The following TRERF1 variants were observed in gnomAD, a reference collection of about 807,000 sequenced individuals.
TRERF1 encodes the protein transcriptional-regulating factor 1.
Under a neutral mutation model 122.9 loss-of-function variants are expected in TRERF1, and 27 were observed. The observed-to-expected ratio is 0.22, with a 90% CI of 0.16 to 0.30. The LOEUF (loss-of-function observed/expected upper bound fraction) is 0.30. TRERF1 is among the 10% of genes least tolerant of loss of function. TRERF1 has a pLI of 1.00. For synonymous variants in TRERF1, 636 were observed against 641.7 expected, an observed-to-expected ratio of 0.99 and a Z score of 0.13; for missense variants, 1,248 against 1,560.3, an observed-to-expected ratio of 0.80 and a Z score of 3.37.
intron 13 of TRERF1, among the ~76,000 whole-genome samples, chr6:42,251,425 G>A (rs1321163051): frequency 6.6e-6 from 1 of 152,090 alleles, no homozygotes; most frequent in Non-Finnish European, 1.5e-5. Context: ...AATTTTTTGG[G>A]GGGTGCAAGT....
intron 2 of TRERF1, among the ~76,000 whole-genome samples, chr6:42,370,493 G>A (rs1423231561): frequency 6.6e-6 from 1 of 152,164 alleles, no homozygotes; most frequent in Non-Finnish European, 1.5e-5. Context: ...CTAAGGCAAG[G>A]GAATCACTTG....
rs1246000375 is a variant in TRERF1, at chr6:42,447,398, G to C, written c.-454+3779C>G. ...CCTTAAAAATGCCCACAGCACCCTT[G>C]TGGCAACGCACGCCAGTAACTGGAA... is the stretch of plus-strand genomic sequence containing the variant. On this transcript the variant is annotated intron_variant, in intron 2 of 17. Transcript: ENST00000372922. Among the ~76,000 whole-genome samples the C allele has an allele frequency of 1.3e-5, 2 of 152,188 alleles. 1 individual carries two copies.
At chr6:42,347,446 T>C (rs529390925) in intron 3 of TRERF1, among the ~76,000 whole-genome samples, 3 of 152,186 alleles carry the variant, frequency 2.0e-5, no homozygotes, top group African/African-American at 7.2e-5. Flanking sequence ...TGGGCAAGGA[T>C]GGTGTAGAGG....
At chr6:42,410,167 G>T (rs1780907808) in intron 2 of TRERF1, among the ~76,000 whole-genome samples, 1 of 151,986 alleles carries the variant, frequency 6.6e-6, no homozygotes, top group Non-Finnish European at 1.5e-5. Flanking sequence ...TTTGAGACAG[G>T]GTCTCACTCT....
chr6:42,317,957 C>T (rs1008722939), intron 3 of TRERF1, among the ~76,000 whole-genome samples: 2 of 151,984 alleles, frequency 1.3e-5, no homozygotes, highest in African/African-American at 4.8e-5. Flanking sequence ...AGTTCAAGAC[C>T]AGCCTGGCCA....
At position 42,259,376 on chromosome 6, in the gene TRERF1, G is replaced by C; in HGVS notation, c.2232C>G (p.Pro744=). 6.6e-7 allele frequency: 1 copy of C among 1,520,756 alleles called. No individual in the cohort carries two copies. The highest frequency in any genetic ancestry group is 2.1e-5 in the Admixed American group (1 of 46,636). 94.2% of individuals were successfully genotyped at this position (1,520,756 alleles called of 1,614,324 possible). A position where few individuals can be genotyped will look rare whatever the true frequency, so the allele number is the denominator to read the frequency against. ...GCAGCACCCGTGGTGTGGGCGTCAG[G>C]GGCGTCAGGGGCAGCTGCGGGTGGG... Residue 744 remains proline, a synonymous_variant, in exon 9 of 18, where the codon CCC becomes CCG. Transcript: ENST00000372922. The surrounding 1 kb of genome is among the most constrained non-coding windows in gnomAD (Gnocchi z 4.9).
At chr6:42,283,679 C>T (rs1031778118) in intron 4 of TRERF1, among the ~76,000 whole-genome samples, 2 of 146,226 alleles carry the variant, frequency 1.4e-5, no homozygotes, top group South Asian at 4.3e-4. Context: ...TGCCATGGCA[C>T]GATCTCGGCT....
intron 2 of TRERF1, among the ~76,000 whole-genome samples, chr6:42,424,573 G>A (rs1783320038): frequency 1.3e-5 from 2 of 151,980 alleles, no homozygotes; most frequent in Non-Finnish European, 1.5e-5. Context: ...TTTGGATAAG[G>A]GATCCTCAAT....
At chr6:42,423,633 C>T (rs1783156430) in intron 2 of TRERF1, among the ~76,000 whole-genome samples, 1 of 152,158 alleles carries the variant, frequency 6.6e-6, no homozygotes, top group African/African-American at 2.4e-5. Context: ...TCAAAAAATA[C>T]ATTCGTGGTA....
chr6:42,264,567 GC>G, intron 7 of TRERF1, 136 bp downstream of exon 7: 2 of 1,377,446 alleles, frequency 1.5e-6, no homozygotes, highest in Non-Finnish European at 1.9e-6. Flanking sequence ...CAGCGCCAAA[GC>G]CTAAGCATTC....
intron 5 of TRERF1, among the ~76,000 whole-genome samples, chr6:42,266,160 T>C (rs1039123033): frequency 1.3e-5 from 2 of 151,652 alleles, no homozygotes; most frequent in Non-Finnish European, 2.9e-5. Context: ...AGACGCAGCA[T>C]TATGCCAGGA....
At chr6:42,360,799 A>AAC (rs1771610689) in intron 3 of TRERF1, among the ~76,000 whole-genome samples, 1 of 149,780 alleles carries the variant, frequency 6.7e-6, no homozygotes, top group Non-Finnish European at 1.5e-5. Flanking sequence ...AAAAAAAAAA[A>AAC]AAACCTGGAT....
intron 3 of TRERF1, among the ~76,000 whole-genome samples, chr6:42,353,248 T>C (rs73430811): frequency 0.012 from 1,859 of 151,862 alleles, 44 homozygotes; most frequent in African/African-American, 0.043. Flanking sequence ...TAAACAAGTA[T>C]GCAAAGTATA....
chr6:42,409,495 T>C (rs560683433), intron 2 of TRERF1, among the ~76,000 whole-genome samples: 1 of 152,342 alleles, frequency 6.6e-6, no homozygotes, highest in African/African-American at 2.4e-5. Context: ...ATCATGTTCT[T>C]GCATTATGAA....
intron 2 of TRERF1, among the ~76,000 whole-genome samples, chr6:42,446,827 A>G (rs994885819): frequency 6.6e-6 from 1 of 152,038 alleles, no homozygotes; most frequent in African/African-American, 2.4e-5. Flanking sequence ...ACATGGTGAA[A>G]CCCTGTCTCT....
intron 2 of TRERF1, among the ~76,000 whole-genome samples, chr6:42,398,486 C>A (rs150978798): frequency 7.9e-5 from 12 of 152,314 alleles, no homozygotes; most frequent in African/African-American, 2.9e-4. Context: ...ATCTTTGCAT[C>A]TCTCAACAAA....
At chr6:42,267,412 T>G (rs1249808790) in intron 5 of TRERF1, among the ~76,000 whole-genome samples, 1 of 152,070 alleles carries the variant, frequency 6.6e-6, no homozygotes, top group African/African-American at 2.4e-5. Context: ...AGGCGCATCA[T>G]GAGGTCGGAG....
At chr6:42,309,419 T>A (rs113843857) in intron 3 of TRERF1, among the ~76,000 whole-genome samples, 12 of 152,204 alleles carry the variant, frequency 7.9e-5, no homozygotes, top group African/African-American at 2.7e-4. Context: ...ACAGACCATA[T>A]TTTTTCTCTC....
intron 3 of TRERF1, among the ~76,000 whole-genome samples, chr6:42,323,194 G>GTTT (rs369315779): frequency 7.1e-6 from 1 of 141,422 alleles, no homozygotes; most frequent in Admixed American, 7.1e-5. Context: ...CTTTCCCCCA[G>GTTT]TTTTTTTTTT....
Sources: gnomAD v4.1 joint callset for allele counts (sites outside exome capture counted in the v4.1 genomes callset) on GRCh38, gnomAD v4.1.1 for gene constraint, Gnocchi (gnomAD v3.1) non-coding constraint, MANE v1.5 for transcripts, NCBI Gene and HGNC (gene_info 2026-07-23, HGNC 2026-07-21) for gene names.